SYT8: variants seen among roughly 807,000 people sequenced by gnomAD.
SYT8 encodes the protein synaptotagmin-8.
In SYT8, 50 loss-of-function variants were observed where a neutral mutation model predicts 34.9. The observed-to-expected ratio is 1.43, with a 90% confidence interval of 1.14 to 1.81. The LOEUF (loss-of-function observed/expected upper bound fraction) is 1.81, where lower values mean the gene tolerates loss of function less well. Among genes scored for constraint, SYT8 ranks in the 40% most tolerant of loss-of-function variants. The probability of loss-of-function intolerance (pLI) is 0.00; values close to 1 mark genes in which losing one functional copy is unlikely to be tolerated. For synonymous variants in SYT8, 255 were observed against 234.2 expected, an observed-to-expected ratio of 1.09 and a Z score of -0.81; for missense variants, 595 against 529.0, an observed-to-expected ratio of 1.12 and a Z score of -1.22.
Position 1,836,406 on chromosome 11 carries a change from G to T in SYT8, c.517-19G>T, listed in dbSNP as rs1471709696. On this transcript the variant is annotated intron_variant, in intron 4 of 7. Transcript: ENST00000341958. ...GCCTGAGCTAGGGCAGCAGGGCCTG[G>T]CTCACGCCGCTGCCTCAGATCCCGC... 1.3e-6 allele frequency: 2 copies of T among 1,526,490 alleles called. No individual in the cohort carries two copies. The highest frequency in any genetic ancestry group is 1.4e-5 in the African/African-American group (1 of 73,090). 94.6% of individuals were successfully genotyped at this position (1,526,490 alleles called of 1,614,324 possible).
chr11:1,832,212 C>T (rs771466290), upstream of SYT8, among the ~76,000 whole-genome samples: 22 of 152,122 alleles, frequency 1.4e-4, no homozygotes, highest in Non-Finnish European at 2.6e-4. Context: ...GGTGGGCTCA[C>T]GCTGGCCTTG....
At chr11:1,834,563 G>T (rs1018705753), upstream of SYT8, 6 of 1,576,646 alleles carry the variant, frequency 3.8e-6, no homozygotes, top group Non-Finnish European at 5.2e-6. The surrounding 1 kb of genome is among the most constrained non-coding windows in gnomAD (Gnocchi z 4.5). Context: ...CCTGGGGGCT[G>T]CAGTGAACAT....
upstream of SYT8, chr11:1,834,903 G>T: frequency 1.6e-6 from 1 of 634,742 alleles, no homozygotes; most frequent in Non-Finnish European, 2.7e-6. The surrounding 1 kb of genome is among the most constrained non-coding windows in gnomAD (Gnocchi z 4.5). Flanking sequence ...TGGAGCTTTG[G>T]CCAGGGTCCA....
intron 6 of SYT8, 44 bp from the exon 7 acceptor site, chr11:1,836,913 G>T: frequency 6.2e-7 from 1 of 1,612,844 alleles, no homozygotes; most frequent in South Asian, 1.1e-5. Flanking sequence ...CCCGTGCTCA[G>T]CCCCGAGCCC....
In SYT8 at chr11:1,836,257, C is replaced by T. The variant is rs576325169; in HGVS notation, c.489C>T (p.Pro163=). 63 of 1,569,260 alleles carry T rather than the reference C, an allele frequency of 4.0e-5. No individual in the cohort carries two copies. The South Asian group carries it at 5.7e-4, about 14-fold the overall frequency. ...ETKVHRGTLC[P]VFDETCCFHI... is the part of the protein sequence containing the mutation. Reference sequence around the variant, plus strand: ...AAGTGCACCGAGGCACGCTCTGCCCCGTGTTTGACGAGACCTGCTGCTTCC... The same window carrying T: ...AAGTGCACCGAGGCACGCTCTGCCCTGTGTTTGACGAGACCTGCTGCTTCC... The change falls in exon 4 of 8, where the codon CCC becomes CCT. Residue 163 remains proline (P), a synonymous_variant. Transcript: ENST00000341958.
rs1199674603 is a variant in SYT8, at chr11:1,836,601, C to G, written c.684+9C>G. ...CGCCGGCTGCCACTCAGGTGAGGTG[C>G]TGGTCACCAGGCCACAGCCCAAGGC... On this transcript the variant is annotated intron_variant, in intron 5 of 7. Coordinates refer to ENST00000341958, the MANE Select transcript of SYT8 (RefSeq NM_001394072.1). The G allele has an allele frequency of 6.2e-7, 1 of 1,609,294 alleles. No individual in the cohort carries two copies. Among genetic ancestry groups the G allele is most frequent in the African/African-American group, 1.3e-5 (1 of 74,896 alleles).
At chr11:1,833,006 C>T (rs1192520284), upstream of SYT8, among the ~76,000 whole-genome samples, 1 of 152,218 alleles carries the variant, frequency 6.6e-6, no homozygotes, top group Non-Finnish European at 1.5e-5. Context: ...GAATCTCAAC[C>T]ATAAAAATCT....
upstream of SYT8, among the ~76,000 whole-genome samples, chr11:1,833,468 GGGTGCAGCCTGGAAAGCT>G (rs1018428883): frequency 2.0e-5 from 3 of 152,242 alleles, no homozygotes; most frequent in African/African-American, 7.2e-5. Flanking sequence ...CCTGCGCACA[GGGTGCAGCCTGGAAAGCT>G]GGCCCTGACC....
At position 1,836,818 on chromosome 11, in the gene SYT8, C is replaced by T. The variant is rs538594932; in HGVS notation, c.747C>T (p.Thr249=). ...ACGTGCCCAGCTCAGGCCGGCTGAC[C>T]GTGGTGGTGCTGGAGGCTCGAGGCC... The part of the protein sequence containing the change: ...LRYVPSSGRL[T]VVVLEARGLR... The change falls in exon 6 of 8, where the codon ACC becomes ACT. Residue 249 remains threonine, a synonymous_variant. Coordinates refer to ENST00000341958, the MANE Select transcript of SYT8 (RefSeq NM_001394072.1). The T allele has an allele frequency of 1.7e-5, 27 of 1,611,570 alleles. No homozygotes were observed. The highest frequency in any genetic ancestry group is 5.3e-5 in the African/African-American group (4 of 75,060).
intron 2 of SYT8, 70 bp downstream of exon 2, chr11:1,835,529 C>A: frequency 6.4e-7 from 1 of 1,565,740 alleles, no homozygotes; most frequent in Non-Finnish European, 8.7e-7. Context: ...CCCAGGGCAG[C>A]GAGGCGAGTT....
In SYT8 at chr11:1,836,295, G is replaced by T. The variant is rs1284936169; in HGVS notation, c.516+11G>T. The T allele has an allele frequency of 1.3e-6, 2 of 1,536,294 alleles. No individual in the cohort carries two copies. Among genetic ancestry groups the T allele is most frequent in the African/African-American group, 2.8e-5 (2 of 72,622 alleles). On this transcript the variant is annotated intron_variant, in intron 4 of 7. Coordinates refer to ENST00000341958, the MANE Select transcript of SYT8 (RefSeq NM_001394072.1). The stretch of plus-strand genomic sequence containing the variant: ...ACCTGCTGCTTCCACGTGAGTCAGG[G>T]ATGGTCGGCTGGGTGGGCCTGGACG...
In SYT8 at chr11:1,835,338, T is replaced by C. The variant is rs1457771030; in HGVS notation, c.137T>C (p.Val46Ala). The C allele has an allele frequency of 8.1e-6, 13 of 1,602,680 alleles. No homozygotes were observed. The South Asian group carries it at 1.4e-4, about 18-fold the overall frequency. The change falls in exon 2 of 8, where the codon GTC becomes GCC. Residue 46 changes from valine (V) to alanine (A), a missense_variant. Physicochemically the swap from Val to Ala is moderately conservative, Grantham distance 64 (BLOSUM62 0). Coordinates refer to ENST00000341958, the MANE Select transcript of SYT8 (RefSeq NM_001394072.1). ...ALIAGALAAG[V>A]LLVSCLLCAA... ...ATTGCCGGCGCCCTTGCCGCGGGCG[T>C]CCTCCTCGTCTCCTGCCTCCTCTGT... is the stretch of plus-strand genomic sequence containing the variant.
At position 1,835,051 on chromosome 11, in the gene SYT8, C is replaced by A; in HGVS notation, c.-55C>A. 1 of 1,583,272 alleles carries A rather than the reference C, an allele frequency of 6.3e-7. No individual in the cohort carries two copies. The highest frequency in any genetic ancestry group is 8.7e-7 in the Non-Finnish European group (1 of 1,155,166). On this transcript the variant is annotated 5_prime_UTR_variant, in exon 1 of 8. Transcript: ENST00000341958. ...GCGGGCAGGGGCCGGAGGGGCCACC[C>A]TCCCAGCTGACCCAGCCTCCTGGGC...
upstream of SYT8, chr11:1,834,564 C>T (rs1415913577): frequency 2.5e-6 from 4 of 1,577,356 alleles, no homozygotes; most frequent in South Asian, 1.2e-5. The surrounding 1 kb of genome is among the most constrained non-coding windows in gnomAD (Gnocchi z 4.5). Flanking sequence ...CTGGGGGCTG[C>T]AGTGAACATG....
At chr11:1,833,282 C>T (rs1401172854), upstream of SYT8, among the ~76,000 whole-genome samples, 1 of 152,232 alleles carries the variant, frequency 6.6e-6, no homozygotes, top group Non-Finnish European at 1.5e-5. Context: ...CTTCACTGCA[C>T]ACCCACACTG....
chr11:1,834,958 C>A, upstream of SYT8: 1 of 771,464 alleles, frequency 1.3e-6, no homozygotes, highest in East Asian at 2.6e-5. The surrounding 1 kb of genome is among the most constrained non-coding windows in gnomAD (Gnocchi z 4.5). Flanking sequence ...ACCCTCGCCC[C>A]TGGCCACCCC....
Position 1,837,247 on chromosome 11 carries a change from C to T in SYT8, c.980C>T (p.Pro327Leu), listed in dbSNP as rs1846999655. The T allele has an allele frequency of 2.5e-6, 4 of 1,581,976 alleles. No individual in the cohort carries two copies. Among genetic ancestry groups the T allele is most frequent in the South Asian group, 1.1e-5 (1 of 87,698 alleles). ...WDRSLPLRTE[P>L]VGKVHLGARA... ...CGCAGCCTGCCGCTCCGAACTGAGC[C>T]CGTAGGCAAGGTGCACCTGGGTGCC... The change falls in exon 8 of 8, where the codon CCC (proline) becomes CTC (leucine). Residue 327 changes from proline (P) to leucine (L), a missense_variant. Transcript: ENST00000341958.
chr11:1,834,719 G>A, upstream of SYT8: 1 of 1,129,448 alleles, frequency 8.9e-7, no homozygotes, highest in Non-Finnish European at 1.3e-6. The surrounding 1 kb of genome is among the most constrained non-coding windows in gnomAD (Gnocchi z 4.5). Context: ...CAGGGCCCAG[G>A]AGAGAGAAGC....
Position 1,836,829 on chromosome 11 carries a change from T to A in SYT8, c.758T>A (p.Leu253Gln), listed in dbSNP as rs1447850385. 1 of 1,611,664 alleles carries A rather than the reference T, an allele frequency of 6.2e-7. No individual in the cohort carries two copies. Among genetic ancestry groups the A allele is most frequent in the Admixed American group, 1.7e-5 (1 of 60,020 alleles). Reference sequence around the variant, plus strand: ...TCAGGCCGGCTGACCGTGGTGGTGCTGGAGGCTCGAGGCCTGCGTCCAGGA... The same window carrying A: ...TCAGGCCGGCTGACCGTGGTGGTGCAGGAGGCTCGAGGCCTGCGTCCAGGA... ...PSSGRLTVVVLEARGLRPGLA... is the reference protein window; with the variant it reads ...PSSGRLTVVVQEARGLRPGLA... The change falls in exon 6 of 8, where the codon CTG becomes CAG. Residue 253 changes from leucine (L) to glutamine (Q), a missense_variant. Leu to Gln is a moderately radical substitution (Grantham distance 113, BLOSUM62 -2). Coordinates refer to ENST00000341958, the MANE Select transcript of SYT8 (RefSeq NM_001394072.1).
Sources: gnomAD v4.1 joint callset for allele counts (sites outside exome capture counted in the v4.1 genomes callset) on GRCh38, gnomAD v4.1.1 for gene constraint, Gnocchi (gnomAD v3.1) non-coding constraint, MANE v1.5 for transcripts, NCBI Gene and HGNC (gene_info 2026-07-23, HGNC 2026-07-21) for gene names.